Variants in DDAH1 observed in about 807,000 individuals in gnomAD.
DDAH1 encodes dimethylarginine dimethylaminohydrolase 1.
In DDAH1, 19 loss-of-function variants were observed where a neutral mutation model predicts 28.8. The ratio of observed to expected loss-of-function variants is 0.66; its 90% CI spans 0.46 to 0.97. The LOEUF (loss-of-function observed/expected upper bound fraction) is 0.97, where lower values mean the gene tolerates loss of function less well. Among genes scored for constraint, DDAH1 ranks in the 50% least tolerant of loss-of-function variants. DDAH1 has a pLI of 0.00. For synonymous variants in DDAH1, 153 were observed against 154.4 expected (o/e 0.99, Z 0.07); for missense variants, 326 against 375.9 (o/e 0.87, Z 1.10).
intron 4 of DDAH1, 144 bp from the exon 5 acceptor site, chr1:85,325,027 C>T: frequency 4.4e-6 from 4 of 900,768 alleles, no homozygotes; most frequent in Non-Finnish European, 4.8e-6. Flanking sequence ...CCTCCAGTCA[C>T]TTAGAACCAG....
intron 1 of DDAH1, among the ~76,000 whole-genome samples, chr1:85,456,035 C>T (rs1368082997): frequency 6.6e-6 from 1 of 151,974 alleles, no homozygotes; most frequent in Non-Finnish European, 1.5e-5. Flanking sequence ...CACTTTCTCC[C>T]ATCTTCTTAT....
intron 1 of DDAH1, among the ~76,000 whole-genome samples, chr1:85,440,241 T>C (rs35725093): frequency 1.3e-5 from 2 of 152,264 alleles, no homozygotes; most frequent in Non-Finnish European, 2.9e-5. Context: ...ATTTTTGTTA[T>C]ACTTTTTCCA....
At chr1:85,362,509 T>A (rs1352146875) in intron 1 of DDAH1, among the ~76,000 whole-genome samples, 1 of 152,180 alleles carries the variant, frequency 6.6e-6, no homozygotes, top group Admixed American at 6.5e-5. Context: ...CTCATTTCCA[T>A]CCTATCATGT....
chr1:85,363,721 G>A (rs1380911944), intron 1 of DDAH1, among the ~76,000 whole-genome samples: 1 of 152,158 alleles, frequency 6.6e-6, no homozygotes, highest in African/African-American at 2.4e-5. Context: ...ATATTCAAAA[G>A]ACCACATTTT....
chr1:85,455,549 T>C (rs1232304773), intron 1 of DDAH1, among the ~76,000 whole-genome samples: 1 of 152,118 alleles, frequency 6.6e-6, no homozygotes, highest in Non-Finnish European at 1.5e-5. Flanking sequence ...CCAGCACACA[T>C]ATATGGAAGG....
chr1:85,550,043 C>T (rs2100793745), intron 1 of DDAH1, among the ~76,000 whole-genome samples: 1 of 152,250 alleles, frequency 6.6e-6, no homozygotes, highest in South Asian at 2.1e-4. Context: ...GTCATAAAAT[C>T]CTCAGCATGT....
At chr1:85,492,271 C>T (rs143460593) in intron 2 of DDAH1, among the ~76,000 whole-genome samples, 310 of 152,108 alleles carry the variant, frequency 2.0e-3, no homozygotes, top group Non-Finnish European at 3.5e-3. Flanking sequence ...AGAAAATGTT[C>T]AGAAATCATT....
intron 1 of DDAH1, among the ~76,000 whole-genome samples, chr1:85,536,785 T>G (rs919865923): frequency 2.6e-5 from 4 of 151,722 alleles, no homozygotes; most frequent in African/African-American, 9.7e-5. Flanking sequence ...AAAATTACCA[T>G]ACGATCCAGA....
intron 1 of DDAH1, among the ~76,000 whole-genome samples, chr1:85,547,465 TG>T (rs1391256799): frequency 7.9e-5 from 12 of 152,218 alleles, no homozygotes; most frequent in Admixed American, 7.9e-4. Flanking sequence ...TCAGTGTTTT[TG>T]CACTAAACAT....
intron 1 of DDAH1, among the ~76,000 whole-genome samples, chr1:85,555,384 G>A (rs1314737675): frequency 6.6e-6 from 1 of 152,180 alleles, no homozygotes; most frequent in Non-Finnish European, 1.5e-5. Flanking sequence ...CCTTAGGAAG[G>A]TTACGGGATT....
At chr1:85,481,917 C>T (rs1323494525) in intron 2 of DDAH1, among the ~76,000 whole-genome samples, 9 of 152,218 alleles carry the variant, frequency 5.9e-5, no homozygotes, top group African/African-American at 1.7e-4. Flanking sequence ...CCAGCTTGGC[C>T]TAAGAGCTGT....
chr1:85,446,155 G>T (rs1014488629), intron 1 of DDAH1, among the ~76,000 whole-genome samples: 1 of 152,174 alleles, frequency 6.6e-6, no homozygotes, highest in African/African-American at 2.4e-5. Context: ...GCTATGAATT[G>T]CCTGAGATTG....
At chr1:85,551,914 A>G (rs1658804183) in intron 1 of DDAH1, among the ~76,000 whole-genome samples, 2 of 152,170 alleles carry the variant, frequency 1.3e-5, no homozygotes, top group Admixed American at 6.5e-5. Context: ...TGGGGAAGAA[A>G]CAGCTGAGGG....
intron 1 of DDAH1, among the ~76,000 whole-genome samples, chr1:85,381,960 T>G (rs1163149290): frequency 6.6e-6 from 1 of 152,162 alleles, no homozygotes; most frequent in Non-Finnish European, 1.5e-5. Context: ...GGTCTACCTA[T>G]TCCTGGAGAC....
chr1:85,469,068 G>A (rs532444279), upstream of DDAH1, among the ~76,000 whole-genome samples: 4 of 152,334 alleles, frequency 2.6e-5, no homozygotes, highest in African/African-American at 9.6e-5. Flanking sequence ...GGCTTAATGG[G>A]TCAGGCCCAG....
In DDAH1 at chr1:85,573,643, T is replaced by C. The variant is rs918205045; in HGVS notation, c.-123+4341A>G. 2.0e-5 allele frequency among the ~76,000 whole-genome samples: 3 copies of C among 152,196 alleles called. No individual in the cohort carries two copies. The South Asian group carries it at 6.2e-4, about 31-fold the overall frequency. On this transcript the variant is annotated intron_variant, in intron 1 of 6. Transcript: ENST00000426972. Reference sequence around the variant, plus strand: ...GATATGGATGCCCTAAAAAAGTGTTTCCTATCATATTGCCAAGGCAATGCC... The same window carrying C: ...GATATGGATGCCCTAAAAAAGTGTTCCCTATCATATTGCCAAGGCAATGCC...
At chr1:85,476,891 C>T (rs1655823251) in intron 2 of DDAH1, among the ~76,000 whole-genome samples, 1 of 152,114 alleles carries the variant, frequency 6.6e-6, no homozygotes, top group African/African-American at 2.4e-5. Context: ...GTCCATAATA[C>T]ACAACTAGCA....
chr1:85,324,520 C>A (rs903389682), intron 5 of DDAH1, among the ~76,000 whole-genome samples: 2 of 152,000 alleles, frequency 1.3e-5, no homozygotes, highest in African/African-American at 2.4e-5. Context: ...CTTGAATACC[C>A]GGCATGATCA....
intron 1 of DDAH1, among the ~76,000 whole-genome samples, chr1:85,575,020 G>A (rs998330620): frequency 7.9e-5 from 12 of 152,020 alleles, no homozygotes; most frequent in South Asian, 2.1e-4. Flanking sequence ...TGGGCAGATC[G>A]CTTGAGCCCA....
Sources: allele counts gnomAD v4.1 joint callset (sites outside exome capture counted in the v4.1 genomes callset), GRCh38; gene constraint gnomAD v4.1.1; transcripts MANE v1.5; gene names NCBI Gene and HGNC (gene_info 2026-07-23, HGNC 2026-07-21).